The following TBC1D9 variants were observed in gnomAD, a reference collection of about 807,000 sequenced individuals.
The protein encoded by TBC1D9 is TBC1 domain family member 9, also known as TBC1 domain family member 9A.
Under a neutral mutation model 132.0 loss-of-function variants are expected in TBC1D9, and 63 were observed. That is an observed-to-expected ratio of 0.48 (90% CI 0.39 to 0.59). The LOEUF is 0.59. TBC1D9 is among the 20% of genes least tolerant of loss of function. The pLI is 0.00. For synonymous variants in TBC1D9, 610 were observed against 609.9 expected, an observed-to-expected ratio of 1.00 and a Z score of 0.00; for missense variants, 1,261 against 1,592.7, an observed-to-expected ratio of 0.79 and a Z score of 3.54.
rs1738151408 is a variant in TBC1D9 at position 140,706,325 on chromosome 4, T to C, written c.131-4711A>G. On this transcript the variant is annotated intron_variant, in intron 1 of 20. Coordinates refer to ENST00000442267, the MANE Select transcript of TBC1D9 (RefSeq NM_015130.3). The surrounding 1 kb of genome is among the most constrained non-coding windows in gnomAD (Gnocchi z 4.0). Reference sequence around the variant, plus strand: ...ATCCAGGAAATCCATGGCAGAGTGGTCAGGGGAGTGGGCTCAGCTTTGGCT... The same window carrying C: ...ATCCAGGAAATCCATGGCAGAGTGGCCAGGGGAGTGGGCTCAGCTTTGGCT... Among the ~76,000 whole-genome samples the C allele has an allele frequency of 6.6e-6, 1 of 152,142 alleles. No individual in the cohort carries two copies. Among genetic ancestry groups the C allele is most frequent in the Admixed American group, 6.6e-5 (1 of 15,260 alleles).
At chr4:140,689,509 C>CTTCCCCCTTTTCCCTTCCA (rs1560886592) in intron 2 of TBC1D9, among the ~76,000 whole-genome samples, 1 of 104,986 alleles carries the variant, frequency 9.5e-6, no homozygotes, top group Admixed American at 9.3e-5. Context: ...CTTTCCTTCC[C>CTTCCCCCTTTTCCCTTCCA]TTCCCCCTTT....
At chr4:140,686,303 A>T in intron 3 of TBC1D9, 41 bp downstream of exon 3, 1 of 1,221,208 alleles carries the variant, frequency 8.2e-7, no homozygotes, top group Non-Finnish European at 1.2e-6. Context: ...TGTAAATTTG[A>T]AATTATTTCC....
intron 13 of TBC1D9, among the ~76,000 whole-genome samples, chr4:140,650,792 C>G (rs1431130141): frequency 6.6e-6 from 1 of 152,162 alleles, no homozygotes; most frequent in African/African-American, 2.4e-5. Flanking sequence ...GCCTTGGCCT[C>G]CCAAAGTGCT....
At chr4:140,653,110 C>T (rs1737212115) in intron 13 of TBC1D9, among the ~76,000 whole-genome samples, 1 of 152,206 alleles carries the variant, frequency 6.6e-6, no homozygotes, top group African/African-American at 2.4e-5. Flanking sequence ...AAACTGGAGT[C>T]TCACACCACT....
Position 140,674,333 on chromosome 4 carries a change from T to C in TBC1D9, c.1059+2561A>G, listed in dbSNP as rs145597893. On this transcript the variant is annotated intron_variant, in intron 6 of 20. Coordinates refer to ENST00000442267, the MANE Select transcript of TBC1D9 (RefSeq NM_015130.3). ...TAGTTGACCCTACGACAAGGAGAGC[T>C]AGATTTGTCAGTTGCCTAACATTTT... Among the ~76,000 whole-genome samples the C allele has an allele frequency of 5.9e-3, 893 of 152,344 alleles. 4 individuals carry two copies. Among genetic ancestry groups the C allele is most frequent in the Non-Finnish European group, 0.01 (714 of 68,028 alleles).
chr4:140,662,568 T>C (rs1395891563), intron 9 of TBC1D9, among the ~76,000 whole-genome samples: 1 of 152,238 alleles, frequency 6.6e-6, no homozygotes, highest in Non-Finnish European at 1.5e-5. Context: ...GTCTGAAAAC[T>C]GCCTGCTAAC....
chr4:140,687,342 T>TGTGTTATATATATATATA (rs1560885798), intron 2 of TBC1D9, among the ~76,000 whole-genome samples: 1 of 54,526 alleles, frequency 1.8e-5, no homozygotes, highest in Non-Finnish European at 3.6e-5. Context: ...TGTGTGTGTG[T>TGTGTTATATATATATATA]CATATATATA....
At position 140,624,105 on chromosome 4, in the gene TBC1D9, T is replaced by C. The variant is rs370027236; in HGVS notation, c.3078+11A>G. 6.3e-7 allele frequency: 1 copy of C among 1,588,928 alleles called. No individual in the cohort carries two copies. The highest frequency in any genetic ancestry group is 8.6e-7 in the Non-Finnish European group (1 of 1,164,564). On this transcript the variant is annotated intron_variant, in intron 20 of 20. Coordinates refer to ENST00000442267, the MANE Select transcript of TBC1D9 (RefSeq NM_015130.3). ...GGTTTGAAGCGAATGATTTGAACTT[T>C]AAGCACTTACCTGATTTAATTTGGG... is the stretch of plus-strand genomic sequence containing the variant.
At chr4:140,723,036 T>C (rs1204210595) in intron 1 of TBC1D9, among the ~76,000 whole-genome samples, 3 of 152,188 alleles carry the variant, frequency 2.0e-5, no homozygotes, top group East Asian at 1.9e-4. Flanking sequence ...CATTGTATAA[T>C]GGAAATCACA....
At chr4:140,707,886 C>T (rs912904409) in intron 1 of TBC1D9, among the ~76,000 whole-genome samples, 2 of 152,102 alleles carry the variant, frequency 1.3e-5, no homozygotes, top group South Asian at 4.1e-4. Flanking sequence ...CCCCCCAAAT[C>T]TCCTGGCAAT....
At chr4:140,696,379 C>T (rs981768224) in intron 2 of TBC1D9, among the ~76,000 whole-genome samples, 2 of 142,116 alleles carry the variant, frequency 1.4e-5, no homozygotes, top group African/African-American at 5.3e-5. Flanking sequence ...ATCACTTCAA[C>T]CCAGAAGGCA....
chr4:140,654,762 C>A (rs923256339), intron 13 of TBC1D9, among the ~76,000 whole-genome samples: 2 of 151,918 alleles, frequency 1.3e-5, no homozygotes, highest in Non-Finnish European at 2.9e-5. Flanking sequence ...ATTGAGACAT[C>A]CTTCATGGAA....
intron 15 of TBC1D9, among the ~76,000 whole-genome samples, chr4:140,634,948 G>A (rs973846127): frequency 6.6e-5 from 10 of 152,154 alleles, no homozygotes; most frequent in Non-Finnish European, 1.2e-4. Flanking sequence ...TTATTCATGA[G>A]GTCATGGTGA....
chr4:140,679,551 A>T (rs1737674397), intron 4 of TBC1D9, 64 bp downstream of exon 4: 1 of 1,160,172 alleles, frequency 8.6e-7, no homozygotes, highest in Non-Finnish European at 1.2e-6. Context: ...GATGTGGTTT[A>T]TGAGTTCAGG....
chr4:140,643,402 C>CCAGCCAGTGGGTT (rs58999614), intron 13 of TBC1D9: 2 of 1,089,286 alleles, frequency 1.8e-6, no homozygotes, highest in Non-Finnish European at 2.7e-6. Flanking sequence ...ATGGCCACCT[C>CCAGCCAGTGGGTT]CATGCCAGCC....
chr4:140,728,948 G>A (rs1298675644), intron 1 of TBC1D9, among the ~76,000 whole-genome samples: 1 of 152,110 alleles, frequency 6.6e-6, no homozygotes. Context: ...ACAGGCATGA[G>A]CCACTGGACC....
At chr4:140,641,099 AAAAAAC>A (rs1485049555) in intron 13 of TBC1D9, among the ~76,000 whole-genome samples, 36 of 109,694 alleles carry the variant, frequency 3.3e-4, no homozygotes, top group African/African-American at 1.4e-3. Flanking sequence ...GCAAAAAAAA[AAAAAAC>A]AAAAAAAAAC....
In TBC1D9 at chr4:140,678,964, T is replaced by C; in HGVS notation, c.829A>G (p.Lys277Glu). 1 of 1,613,962 alleles carries C rather than the reference T, an allele frequency of 6.2e-7. No individual in the cohort carries two copies. The highest frequency in any genetic ancestry group is 8.5e-7 in the Non-Finnish European group (1 of 1,179,836). The stretch of plus-strand genomic sequence containing the variant: ...CACCGTTTTAGAGCAGACACTTTTT[T>C]AGGAGATTTCCTTTTGAGTTTGGGC... The part of the protein sequence containing the change: ...SLPKLKRKSP[K>E]KVSALKRDLD... The change falls in exon 5 of 21, where the codon AAA (lysine) becomes GAA (glutamate). Residue 277 changes from lysine (K) to glutamate (E), a missense_variant. By Grantham distance (56) the Lys-to-Glu change is moderately conservative. Coordinates refer to ENST00000442267, the MANE Select transcript of TBC1D9 (RefSeq NM_015130.3).
At chr4:140,642,127 C>A in intron 13 of TBC1D9, 1 of 754,490 alleles carries the variant, frequency 1.3e-6, no homozygotes, top group Non-Finnish European at 2.5e-6. Context: ...TAGGGGCCGC[C>A]AGCTGCCTTG....
Sources: allele counts gnomAD v4.1 joint callset (sites outside exome capture counted in the v4.1 genomes callset), GRCh38; gene constraint gnomAD v4.1.1; non-coding constraint Gnocchi (gnomAD v3.1); transcripts MANE v1.5; gene names NCBI Gene and HGNC (gene_info 2026-07-23, HGNC 2026-07-21).